The following RNF180 variants were observed in gnomAD, a reference collection of about 807,000 sequenced individuals.
RNF180 encodes ring finger protein 180.
Under a neutral mutation model 59.2 loss-of-function variants are expected in RNF180, and 38 were observed. The observed-to-expected ratio is 0.64, with a 90% confidence interval of 0.50 to 0.84. The LOEUF is 0.84. RNF180 is among the 40% of genes least tolerant of loss of function. The pLI, the probability that RNF180 is intolerant of heterozygous loss-of-function variation, is 0.00. For synonymous variants in RNF180, 262 were observed against 240.3 expected (o/e 1.09, Z -0.84); for missense variants, 705 against 700.9 (o/e 1.01, Z -0.07).
At chr5:64,369,436 T>C (rs967103762) in intron 7 of RNF180, among the ~76,000 whole-genome samples, 179 bp from the exon 8 acceptor site, 2 of 150,124 alleles carry the variant, frequency 1.3e-5, no homozygotes, top group African/African-American at 5.0e-5. Context: ...ATTGTGCACA[T>C]GTACCCTAAA....
chr5:64,249,601 A>G (rs1428711617), intron 5 of RNF180, among the ~76,000 whole-genome samples: 1 of 151,676 alleles, frequency 6.6e-6, no homozygotes, highest in Non-Finnish European at 1.5e-5. Context: ...CTAAAGACAC[A>G]TGTAGGCTGA....
chr5:64,368,653 A>T (rs1481618462), intron 7 of RNF180, among the ~76,000 whole-genome samples: 1 of 152,134 alleles, frequency 6.6e-6, no homozygotes, highest in Non-Finnish European at 1.5e-5. Flanking sequence ...GGCAAAGGAT[A>T]TGAACAGACA....
At chr5:64,266,746 G>A (rs1744702441) in intron 5 of RNF180, among the ~76,000 whole-genome samples, 1 of 152,078 alleles carries the variant, frequency 6.6e-6, no homozygotes, top group South Asian at 2.1e-4. Context: ...TTAAGGGGAG[G>A]GAGTAGAGAG....
chr5:64,369,204 G>A (rs55667270), intron 7 of RNF180, among the ~76,000 whole-genome samples: 38,627 of 151,716 alleles, frequency 0.25, 5,044 homozygotes, highest in Middle Eastern at 0.32. Context: ...GTAAACTCTC[G>A]CAAGGACAAA....
chr5:64,253,578 T>G (rs1473039497), intron 5 of RNF180, among the ~76,000 whole-genome samples: 1 of 152,188 alleles, frequency 6.6e-6, no homozygotes, highest in Admixed American at 6.6e-5. Flanking sequence ...CTGATTTAGT[T>G]TCTCTGGTTC....
Position 64,330,390 on chromosome 5 carries a change from A to T in RNF180, c.1563A>T (p.Ala521=). The T allele has an allele frequency of 6.5e-7, 1 of 1,537,098 alleles. No individual in the cohort carries two copies. The change falls in exon 7 of 8, where the codon GCA becomes GCT. Residue 521 remains alanine, a synonymous_variant. Coordinates refer to ENST00000389100, the MANE Select transcript of RNF180 (RefSeq NM_001113561.2). ...AKWPLPSCRK[A]FHLFGGFRRH... Reference sequence around the variant, plus strand: ...GGCCCCTACCAAGCTGCAGAAAAGCATTTCATCTTTTTGGAGGTAAGGAAA... The same window carrying T: ...GGCCCCTACCAAGCTGCAGAAAAGCTTTTCATCTTTTTGGAGGTAAGGAAA...
chr5:64,166,209 G>A (rs1163287832), intron 1 of RNF180: 3 of 152,302 alleles, frequency 2.0e-5, no homozygotes, highest in Non-Finnish European at 4.4e-5. Flanking sequence ...CCACCTGGAG[G>A]TTGGAATTAC....
intron 7 of RNF180, among the ~76,000 whole-genome samples, chr5:64,331,339 G>A (rs751917994): frequency 6.6e-6 from 1 of 152,218 alleles, no homozygotes; most frequent in Non-Finnish European, 1.5e-5. Context: ...AAGACTGGGG[G>A]CTGGGCTGTC....
chr5:64,179,578 G>C (rs201833358), intron 1 of RNF180, among the ~76,000 whole-genome samples: 1 of 151,886 alleles, frequency 6.6e-6, no homozygotes, highest in East Asian at 1.9e-4. Flanking sequence ...TTTTTTTCTA[G>C]ATACATACAG....
intron 1 of RNF180, among the ~76,000 whole-genome samples, chr5:64,199,412 T>G (rs1315910621): frequency 6.6e-6 from 1 of 152,208 alleles, no homozygotes; most frequent in African/African-American, 2.4e-5. Context: ...TCGGGTAATT[T>G]TTTTTAAATG....
chr5:64,326,984 C>T (rs1247238194), intron 6 of RNF180, among the ~76,000 whole-genome samples: 2 of 152,054 alleles, frequency 1.3e-5, no homozygotes, highest in Admixed American at 1.3e-4. Context: ...ATCTCATTAC[C>T]TGTGATTGGT....
At chr5:64,181,986 C>CTTTTTTTT (rs1190089130) in intron 1 of RNF180, among the ~76,000 whole-genome samples, 4 of 94,618 alleles carry the variant, frequency 4.2e-5, no homozygotes, top group Non-Finnish European at 7.9e-5. Context: ...CTGCTACTGT[C>CTTTTTTTT]TTTTTTTTTT....
chr5:64,221,436 A>G (rs1440415274), intron 5 of RNF180, among the ~76,000 whole-genome samples: 1 of 152,078 alleles, frequency 6.6e-6, no homozygotes, highest in Non-Finnish European at 1.5e-5. Context: ...TTTATTGCTC[A>G]CTCTACTTTG....
chr5:64,224,994 T>A (rs1349212477), intron 5 of RNF180, among the ~76,000 whole-genome samples: 2 of 152,206 alleles, frequency 1.3e-5, no homozygotes, highest in Non-Finnish European at 2.9e-5. Context: ...TCCCAAACTG[T>A]GAGAAAATCA....
intron 7 of RNF180, among the ~76,000 whole-genome samples, chr5:64,369,084 GATTAAGAAAATGTGGCAC>G (rs1324674722): frequency 4.6e-5 from 7 of 152,026 alleles, no homozygotes; most frequent in Non-Finnish European, 7.4e-5. Context: ...TGATAGATTG[GATTAAGAAAATGTGGCAC>G]ATATACACCA....
intron 7 of RNF180, among the ~76,000 whole-genome samples, chr5:64,341,220 C>G (rs1315332158): frequency 6.6e-6 from 1 of 152,126 alleles, no homozygotes; most frequent in African/African-American, 2.4e-5. Flanking sequence ...CCACATAGTC[C>G]TGACCTTGGC....
chr5:64,283,844 A>G (rs1007475592), intron 5 of RNF180, among the ~76,000 whole-genome samples: 1 of 152,176 alleles, frequency 6.6e-6, no homozygotes, highest in Non-Finnish European at 1.5e-5. Flanking sequence ...AGAACAGACT[A>G]ATATGTTTGT....
intron 1 of RNF180, among the ~76,000 whole-genome samples, chr5:64,175,109 A>G (rs1579925745): frequency 6.6e-6 from 1 of 152,044 alleles, no homozygotes; most frequent in Non-Finnish European, 1.5e-5. Context: ...CTGGGATTAC[A>G]GGCATGTGCC....
At chr5:64,329,453 T>C (rs1744795898) in intron 6 of RNF180, among the ~76,000 whole-genome samples, 1 of 151,342 alleles carries the variant, frequency 6.6e-6, no homozygotes, top group African/African-American at 2.4e-5. Context: ...TTTTCTTTTT[T>C]TTTCTTTTTT....
Sources: allele counts gnomAD v4.1 joint callset (sites outside exome capture counted in the v4.1 genomes callset), GRCh38; gene constraint gnomAD v4.1.1; transcripts MANE v1.5; gene names NCBI Gene and HGNC (gene_info 2026-07-23, HGNC 2026-07-21).